TBCD: variants seen among roughly 807,000 people sequenced by gnomAD.
TBCD encodes tubulin folding cofactor D.
In TBCD, 105 loss-of-function variants were observed where a neutral mutation model predicts 169.3. That is an observed-to-expected ratio of 0.62 (90% CI 0.53 to 0.73). TBCD has a LOEUF of 0.73. Among genes scored for constraint, TBCD ranks in the 30% least tolerant of loss-of-function variants. The probability of loss-of-function intolerance (pLI) is 0.00; values close to 1 mark genes in which losing one functional copy is unlikely to be tolerated. For missense variants in TBCD, 1,444 were observed against 1,600.1 expected (o/e 0.90, Z 1.66); for synonymous variants, 700 against 643.9 (o/e 1.09, Z -1.32).
chr17:82,831,920 G>C lies in TBCD; in HGVS notation c.1318+16986G>C. Reference sequence around the variant, plus strand: ...GGGTTGTGTAAAGCCAGTGTCTCGGGCGCCTCGGCGTTGTCTGGCCCCTTG... The same window carrying C: ...GGGTTGTGTAAAGCCAGTGTCTCGGCCGCCTCGGCGTTGTCTGGCCCCTTG... On this transcript the variant is annotated intron_variant, in intron 13 of 38. Coordinates refer to ENST00000355528, the MANE Select transcript of TBCD (RefSeq NM_005993.5). This position sits in a 1 kb window ranked among gnomAD's most constrained non-coding sequence, Gnocchi z 4.6. The C allele has an allele frequency of 6.2e-7, 1 of 1,614,196 alleles. No homozygotes were observed. Among genetic ancestry groups the C allele is most frequent in the South Asian group, 1.1e-5 (1 of 91,086 alleles).
chr17:82,819,573 C>T (rs1284213661), intron 13 of TBCD, among the ~76,000 whole-genome samples: 1 of 149,248 alleles, frequency 6.7e-6, no homozygotes, highest in African/African-American at 2.6e-5. Context: ...GTCCCAGCTA[C>T]TCAGGAGGTT....
At chr17:82,753,114 T>A (rs2047203880) in intron 1 of TBCD, among the ~76,000 whole-genome samples, 1 of 152,234 alleles carries the variant, frequency 6.6e-6, no homozygotes, top group Non-Finnish European at 1.5e-5. Context: ...GGTTTTGTAA[T>A]TCAGTAAAAT....
intron 13 of TBCD, chr17:82,829,844 T>G (rs763097863): frequency 1.2e-5 from 5 of 418,212 alleles, no homozygotes; most frequent in Non-Finnish European, 1.7e-5. Flanking sequence ...GAGATATTTA[T>G]AAGGAAACAT....
At chr17:82,784,944 TC>T (rs1268446601) in intron 7 of TBCD, among the ~76,000 whole-genome samples, 1 of 137,780 alleles carries the variant, frequency 7.3e-6, no homozygotes, top group East Asian at 2.2e-4. Flanking sequence ...CGACAGGGGG[TC>T]CATGCTGTGT....
chr17:82,907,910 A>G, intron 21 of TBCD, 89 bp downstream of exon 21: 3 of 1,410,214 alleles, frequency 2.1e-6, no homozygotes. Context: ...CAGGGTCTGC[A>G]GTCCTGGTGG....
chr17:82,787,660 C>G (rs994021092), intron 7 of TBCD, among the ~76,000 whole-genome samples: 2 of 152,318 alleles, frequency 1.3e-5, no homozygotes, highest in South Asian at 4.1e-4. Context: ...CTTTGATGCA[C>G]TTGGCTTCAT....
In TBCD at chr17:82,930,169, C is replaced by G; in HGVS notation, c.2992-353C>G. The G allele has an allele frequency of 3.2e-6, 1 of 313,912 alleles. No individual in the cohort carries two copies. The highest frequency in any genetic ancestry group is 2.2e-5 in the African/African-American group (1 of 45,872). 19.4% of individuals were successfully genotyped at this position (313,912 alleles called of 1,614,324 possible). A position where few individuals can be genotyped will look rare whatever the true frequency, so the allele number is the denominator to read the frequency against. ...ACCCGGGCCACATGCGAGCGGGGCC[C>G]CGAGACATTCTGCACTCGGGAATTG... On this transcript the variant is annotated intron_variant, in intron 32 of 38. Coordinates refer to ENST00000355528, the MANE Select transcript of TBCD (RefSeq NM_005993.5). This position sits in a 1 kb window ranked among gnomAD's most constrained non-coding sequence, Gnocchi z 5.2.
At chr17:82,758,169 A>G (rs1450511185) in intron 2 of TBCD, among the ~76,000 whole-genome samples, 2 of 151,780 alleles carry the variant, frequency 1.3e-5, no homozygotes, top group Non-Finnish European at 2.9e-5. Context: ...CGGGTGGATC[A>G]CCTGAGGTCA....
intron 12 of TBCD, among the ~76,000 whole-genome samples, chr17:82,810,984 C>T (rs1478245245): frequency 6.6e-6 from 1 of 152,220 alleles, no homozygotes; most frequent in Non-Finnish European, 1.5e-5. Context: ...GAGCAGTGTG[C>T]ATGCATGTGT....
intron 13 of TBCD, among the ~76,000 whole-genome samples, chr17:82,849,864 G>A (rs1273541081): frequency 6.6e-6 from 1 of 152,230 alleles, no homozygotes; most frequent in Non-Finnish European, 1.5e-5. Context: ...CCCCGTGCGC[G>A]GCAGCTCTTG....
chr17:82,837,262 A>G (rs1567863414), intron 13 of TBCD, among the ~76,000 whole-genome samples: 1 of 152,232 alleles, frequency 6.6e-6, no homozygotes, highest in Non-Finnish European at 1.5e-5. Context: ...CCAGTACCTC[A>G]GGCTGTCACA....
rs626637 is a variant in TBCD at position 82,803,133 on chromosome 17, C to G, written c.950+2137C>G. Among the ~76,000 whole-genome samples, 891 of 152,330 alleles carry G rather than the reference C, an allele frequency of 5.8e-3. 9 individuals carry two copies. The highest frequency in any genetic ancestry group is 0.02 in the African/African-American group (847 of 41,556). Reference sequence around the variant, plus strand: ...TCTTCTGTTGATGAGGACGGACTTACGCTCTGACGGGCTGTTAGATTTCTG... The same window carrying G: ...TCTTCTGTTGATGAGGACGGACTTAGGCTCTGACGGGCTGTTAGATTTCTG... On this transcript the variant is annotated intron_variant, in intron 9 of 38. Coordinates refer to ENST00000355528, the MANE Select transcript of TBCD (RefSeq NM_005993.5).
chr17:82,898,494 C>T (rs545270100), intron 17 of TBCD, among the ~76,000 whole-genome samples: 16 of 152,314 alleles, frequency 1.1e-4, no homozygotes, highest in Non-Finnish European at 1.5e-4. Flanking sequence ...GGCTGAACAC[C>T]GCTTCAAGTG....
chr17:82,877,264 A>G (rs2058042401), intron 14 of TBCD, among the ~76,000 whole-genome samples: 1 of 152,228 alleles, frequency 6.6e-6, no homozygotes, highest in Non-Finnish European at 1.5e-5. Flanking sequence ...TCTTGTTCAT[A>G]TGGTAAATAT....
chr17:82,917,059 C>CACCAGGCT (rs150142757), intron 23 of TBCD, among the ~76,000 whole-genome samples: 13,837 of 115,468 alleles, frequency 0.12, 953 homozygotes, highest in South Asian at 0.32. Flanking sequence ...CTTGCTCTGT[C>CACCAGGCT]ACCAGGCTGG....
At chr17:82,793,210 TC>T (rs1325910677) in intron 7 of TBCD, among the ~76,000 whole-genome samples, 1 of 152,250 alleles carries the variant, frequency 6.6e-6, no homozygotes, top group Non-Finnish European at 1.5e-5. Flanking sequence ...AGTTTTCACT[TC>T]CGTCAATGGC....
chr17:82,901,509 C>T (rs1288225484), intron 18 of TBCD, among the ~76,000 whole-genome samples: 1 of 151,852 alleles, frequency 6.6e-6, no homozygotes. Flanking sequence ...TGGGGAGCGG[C>T]CCGGCTGCCT....
rs73362990 is a variant in TBCD, at chr17:82,800,497, C to T, written c.818-367C>T. On this transcript the variant is annotated intron_variant, in intron 8 of 38. Coordinates refer to ENST00000355528, the MANE Select transcript of TBCD (RefSeq NM_005993.5). ...TGCCCTGTGGCCTGTGTGTTCTCCC[C>T]GGCCACAGCATGCCCGTGGCCTGCG... Among the ~76,000 whole-genome samples, 487 of 151,522 alleles carry T rather than the reference C, an allele frequency of 3.2e-3. 2 individuals are homozygous for T. The highest frequency in any genetic ancestry group is 0.011 in the African/African-American group (443 of 41,308).
chr17:82,761,566 A>T (rs2047755623), intron 2 of TBCD, among the ~76,000 whole-genome samples: 1 of 152,106 alleles, frequency 6.6e-6, no homozygotes, highest in Non-Finnish European at 1.5e-5. Context: ...GGTTAATGGT[A>T]CTGTTCATTA....
Sources: allele counts gnomAD v4.1 joint callset (sites outside exome capture counted in the v4.1 genomes callset), GRCh38; gene constraint gnomAD v4.1.1; non-coding constraint Gnocchi (gnomAD v3.1); transcripts MANE v1.5; gene names NCBI Gene and HGNC (gene_info 2026-07-23, HGNC 2026-07-21).